The following CACNA2D3 variants were observed in gnomAD, a reference collection of about 807,000 sequenced individuals.
The protein encoded by CACNA2D3 is calcium voltage-gated channel auxiliary subunit alpha2delta 3, also known as voltage-dependent calcium channel subunit alpha-2/delta-3.
A neutral mutation model predicts 160.6 loss-of-function variants in CACNA2D3; 60 were observed. The observed-to-expected ratio is 0.37, with a 90% CI of 0.30 to 0.46. The LOEUF is 0.46. Ranked by LOEUF, CACNA2D3 falls within the 20% of genes least tolerant of loss-of-function variation. The pLI is 1.00. For missense variants in CACNA2D3, 1,205 were observed against 1,365.0 expected (o/e 0.88, Z 1.85); for synonymous variants, 558 against 492.9 (o/e 1.13, Z -1.75).
At chr3:54,336,321 C>T (rs1302812118) in intron 3 of CACNA2D3, among the ~76,000 whole-genome samples, 1 of 152,158 alleles carries the variant, frequency 6.6e-6, no homozygotes, top group Non-Finnish European at 1.5e-5. Context: ...GGCTTCAAGG[C>T]TCTGCTTGGT....
intron 3 of CACNA2D3, among the ~76,000 whole-genome samples, chr3:54,337,146 TGGTGGTATGCTGATGTCTGA>T (rs566513990): frequency 0.026 from 3,981 of 152,252 alleles, 172 homozygotes; most frequent in African/African-American, 0.09. Context: ...CAAATGGTGA[TGGTGGTATGCTGATGTCTGA>T]GGTTGGAGCA....
Position 54,447,095 on chromosome 3 carries a change from A to C in CACNA2D3, c.382-56397A>C, listed in dbSNP as rs1290336909. 1.3e-5 allele frequency among the ~76,000 whole-genome samples: 2 copies of C among 152,214 alleles called. 1 individual carries two copies. Among genetic ancestry groups the C allele is most frequent in the African/African-American group, 4.8e-5 (2 of 41,458 alleles). On this transcript the variant is annotated intron_variant, in intron 4 of 37. Coordinates refer to ENST00000474759, the MANE Select transcript of CACNA2D3 (RefSeq NM_018398.3). Reference sequence around the variant, plus strand: ...GTTGTGGACCAGGCGTTATGAGCTCAGCTTCCTTTGATCAGTGTTACACAA... The same window carrying C: ...GTTGTGGACCAGGCGTTATGAGCTCCGCTTCCTTTGATCAGTGTTACACAA...
intron 11 of CACNA2D3, among the ~76,000 whole-genome samples, chr3:54,741,894 T>A (rs1209741952): frequency 1.3e-5 from 2 of 151,916 alleles, no homozygotes; most frequent in Admixed American, 1.3e-4. Flanking sequence ...TTTATTTATT[T>A]TTTTTTTGAG....
chr3:54,210,751 C>T (rs9840694), intron 2 of CACNA2D3, among the ~76,000 whole-genome samples: 10,724 of 152,030 alleles, frequency 0.071, 1,196 homozygotes, highest in African/African-American at 0.24. Context: ...TTCATTGTTC[C>T]CCTGAAGAGT....
At chr3:54,586,845 G>C (rs916771238) in intron 9 of CACNA2D3, among the ~76,000 whole-genome samples, 6 of 151,604 alleles carry the variant, frequency 4.0e-5, no homozygotes, top group Admixed American at 3.3e-4. Context: ...GAATAGAACA[G>C]GAAATTCATA....
At chr3:54,390,284 G>A (rs540212547) in intron 4 of CACNA2D3, among the ~76,000 whole-genome samples, 2 of 152,168 alleles carry the variant, frequency 1.3e-5, no homozygotes, top group South Asian at 4.1e-4. Flanking sequence ...TCCTATTTCC[G>A]AAGTTTTACA....
At chr3:54,270,827 C>T (rs1004971231) in intron 2 of CACNA2D3, among the ~76,000 whole-genome samples, 2 of 152,162 alleles carry the variant, frequency 1.3e-5, no homozygotes, top group Non-Finnish European at 2.9e-5. Flanking sequence ...TTCAGGCTGC[C>T]CTCATTCCTT....
chr3:54,240,690 A>C (rs561650602), intron 2 of CACNA2D3, among the ~76,000 whole-genome samples: 3 of 152,220 alleles, frequency 2.0e-5, no homozygotes, highest in Non-Finnish European at 2.9e-5. Flanking sequence ...TTTTGTAAGG[A>C]GATGTAAAAA....
chr3:54,338,913 G>C (rs533270064), intron 3 of CACNA2D3, among the ~76,000 whole-genome samples: 1 of 152,294 alleles, frequency 6.6e-6, no homozygotes, highest in Admixed American at 6.5e-5. Flanking sequence ...AGCCACAGCA[G>C]CTATTAGCAG....
At chr3:54,585,105 TTACAATTAGAG>T (rs1278340292) in intron 9 of CACNA2D3, among the ~76,000 whole-genome samples, 1 of 152,186 alleles carries the variant, frequency 6.6e-6, no homozygotes, top group Non-Finnish European at 1.5e-5. Context: ...AGTAAGAAGA[TTACAATTAGAG>T]TATCCTAATT....
intron 35 of CACNA2D3, among the ~76,000 whole-genome samples, chr3:55,059,943 G>A (rs1001777174): frequency 7.2e-5 from 11 of 152,018 alleles, no homozygotes; most frequent in African/African-American, 2.7e-4. Context: ...CTGTTTATCT[G>A]CTCGTCTGCT....
chr3:54,183,226 T>TC, intron 2 of CACNA2D3, among the ~76,000 whole-genome samples: 1 of 89,070 alleles, frequency 1.1e-5, no homozygotes, highest in South Asian at 4.2e-4. Flanking sequence ...TTTTTTTTTT[T>TC]TTTCTATTCA....
chr3:54,700,144 T>G (rs1700741721), intron 11 of CACNA2D3, among the ~76,000 whole-genome samples: 1 of 152,232 alleles, frequency 6.6e-6, no homozygotes, highest in African/African-American at 2.4e-5. Context: ...AACGTGTAAG[T>G]GATAGATCCA....
At chr3:54,171,136 C>CTTTTTTTT (rs57761171) in intron 2 of CACNA2D3, among the ~76,000 whole-genome samples, 2,472 of 62,462 alleles carry the variant, frequency 0.04, 654 homozygotes, top group South Asian at 0.12. Flanking sequence ...AAGATGATGA[C>CTTTTTTTT]TTTTTTTTTT....
intron 35 of CACNA2D3, among the ~76,000 whole-genome samples, chr3:55,023,460 C>T (rs1703502715): frequency 6.6e-6 from 1 of 152,076 alleles, no homozygotes; most frequent in African/African-American, 2.4e-5. Context: ...TTCTTTTATA[C>T]AGTCTTATTC....
chr3:54,713,444 A>G (rs901017429), intron 11 of CACNA2D3, among the ~76,000 whole-genome samples: 1 of 152,228 alleles, frequency 6.6e-6, no homozygotes, highest in African/African-American at 2.4e-5. Flanking sequence ...AATAGAAAGA[A>G]GTTAAGAGCC....
intron 13 of CACNA2D3, among the ~76,000 whole-genome samples, chr3:54,811,381 T>C (rs1703308546): frequency 6.6e-6 from 1 of 151,208 alleles, no homozygotes; most frequent in Admixed American, 6.6e-5. Context: ...CAGGCTATCA[T>C]CTCGATTCTC....
chr3:54,644,245 A>G (rs1699588490), intron 11 of CACNA2D3, among the ~76,000 whole-genome samples: 1 of 152,044 alleles, frequency 6.6e-6, no homozygotes, highest in South Asian at 2.1e-4. Context: ...TGAAACCAGA[A>G]TTCTGGAAAT....
chr3:54,450,086 G>T (rs1422852866), intron 4 of CACNA2D3, among the ~76,000 whole-genome samples: 1 of 152,166 alleles, frequency 6.6e-6, no homozygotes, highest in Non-Finnish European at 1.5e-5. Flanking sequence ...CAGGTTCATG[G>T]TTCACAGTTT....
Sources: gnomAD v4.1 joint callset for allele counts (sites outside exome capture counted in the v4.1 genomes callset) on GRCh38, gnomAD v4.1.1 for gene constraint, MANE v1.5 for transcripts, NCBI Gene and HGNC (gene_info 2026-07-23, HGNC 2026-07-21) for gene names.